PRKN: variants seen among roughly 807,000 people sequenced by gnomAD.
The protein encoded by PRKN is E3 ubiquitin-protein ligase parkin.
Under a neutral mutation model 59.5 loss-of-function variants are expected in PRKN, and 56 were observed. The observed-to-expected ratio is 0.94, with a 90% confidence interval of 0.76 to 1.18. The LOEUF (loss-of-function observed/expected upper bound fraction) is 1.18. Ranked by LOEUF, PRKN falls within the 50% of genes most tolerant of loss-of-function variation. PRKN has a pLI of 0.00. For synonymous variants in PRKN, 250 were observed against 222.1 expected (o/e 1.13, Z -1.12); for missense variants, 657 against 596.4 (o/e 1.10, Z -1.06).
intron 6 of PRKN, among the ~76,000 whole-genome samples, chr6:161,787,766 GA>G (rs1260820848): frequency 1.3e-5 from 2 of 151,826 alleles, no homozygotes; most frequent in African/African-American, 4.8e-5. Flanking sequence ...CTAACACAGC[GA>G]AAGCCCGTCT....
At chr6:161,608,882 ATTTAT>A (rs1782385079) in intron 7 of PRKN, among the ~76,000 whole-genome samples, 1 of 151,964 alleles carries the variant, frequency 6.6e-6, no homozygotes, top group Non-Finnish European at 1.5e-5. Flanking sequence ...TCTTTCACTG[ATTTAT>A]TTTATTATTA....
At chr6:162,097,060 T>C (rs1422610459) in intron 4 of PRKN, among the ~76,000 whole-genome samples, 1 of 151,954 alleles carries the variant, frequency 6.6e-6, no homozygotes, top group Non-Finnish European at 1.5e-5. Context: ...GTGTTTTTAG[T>C]AGAGACAGAG....
chr6:161,828,774 A>G (rs1200580263), intron 6 of PRKN, among the ~76,000 whole-genome samples: 1 of 152,078 alleles, frequency 6.6e-6, no homozygotes, highest in African/African-American at 2.4e-5. Context: ...CAACAATAAC[A>G]AAAACATTAG....
chr6:162,083,524 T>G (rs537301588), intron 4 of PRKN, among the ~76,000 whole-genome samples: 1 of 152,226 alleles, frequency 6.6e-6, no homozygotes, highest in East Asian at 1.9e-4. Flanking sequence ...TTGCACAACA[T>G]CTGTATTATT....
chr6:162,516,614 T>A (rs188702576), intron 1 of PRKN, among the ~76,000 whole-genome samples: 13,584 of 151,822 alleles, frequency 0.089, 647 homozygotes, highest in South Asian at 0.17. Context: ...TAGCTGAGCA[T>A]GGTGGTGCAG....
At chr6:161,882,953 C>A (rs1213404657) in intron 6 of PRKN, among the ~76,000 whole-genome samples, 2 of 150,468 alleles carry the variant, frequency 1.3e-5, no homozygotes, top group Non-Finnish European at 3.0e-5. Flanking sequence ...TGCAGTGAGC[C>A]AAGATCATGC....
intron 1 of PRKN, among the ~76,000 whole-genome samples, chr6:162,572,010 A>G (rs1375826862): frequency 1.3e-5 from 2 of 152,092 alleles, no homozygotes; most frequent in Non-Finnish European, 2.9e-5. Context: ...GACATTCCAG[A>G]TGCAAACCTA....
rs752587530 is a variant in PRKN at position 162,488,027 on chromosome 6, C to CTTTT, written c.8-44558_8-44555dup. On this transcript the variant is annotated intron_variant, in intron 1 of 11. Transcript: ENST00000366898. Reference sequence around the variant, plus strand: ...AACAGACACTACATCCACCATTTCCCTTTTTTTTTTTTTTTTTTTTTTTTT... The same window carrying CTTTT: ...AACAGACACTACATCCACCATTTCCCTTTTTTTTTTTTTTTTTTTTTTTTTTTTT... Among the ~76,000 whole-genome samples, 34 of 109,708 alleles carry CTTTT rather than the reference C, an allele frequency of 3.1e-4. 1 individual carries two copies. Among genetic ancestry groups the CTTTT allele is most frequent in the South Asian group, 9.9e-4 (3 of 3,020 alleles). The allele number at this position is 109,708 out of a possible 152,430, so 72.0% of individuals were successfully genotyped here. A position where few individuals can be genotyped will look rare whatever the true frequency, so the allele number is the denominator to read the frequency against.
intron 9 of PRKN, among the ~76,000 whole-genome samples, chr6:161,426,282 G>A (rs1375227545): frequency 1.3e-5 from 2 of 152,098 alleles, no homozygotes; most frequent in Non-Finnish European, 2.9e-5. Flanking sequence ...CAACTTGATT[G>A]GACTGAAGGA....
At chr6:162,023,692 G>A (rs1783303733) in intron 5 of PRKN, among the ~76,000 whole-genome samples, 1 of 152,050 alleles carries the variant, frequency 6.6e-6, no homozygotes, top group South Asian at 2.1e-4. Context: ...GGGTGTGGCG[G>A]ACCAGGGTGG....
intron 1 of PRKN, among the ~76,000 whole-genome samples, chr6:162,518,502 T>C: frequency 6.6e-6 from 1 of 152,232 alleles, no homozygotes; most frequent in East Asian, 1.9e-4. Flanking sequence ...AGTTAGCTGG[T>C]ATTACGGGCG....
chr6:162,048,664 A>T (rs1366025096), intron 5 of PRKN, among the ~76,000 whole-genome samples: 2 of 151,824 alleles, frequency 1.3e-5, no homozygotes, highest in African/African-American at 2.4e-5. Flanking sequence ...CATAGGAAGA[A>T]GAATAATTGT....
At chr6:161,793,356 G>C (rs951922590) in intron 6 of PRKN, among the ~76,000 whole-genome samples, 3 of 151,952 alleles carry the variant, frequency 2.0e-5, no homozygotes, top group Non-Finnish European at 2.9e-5. Flanking sequence ...TGTTCTCCCT[G>C]TTTTATCCAG....
chr6:161,619,443 A>C (rs1481907710), intron 7 of PRKN, among the ~76,000 whole-genome samples: 2 of 151,708 alleles, frequency 1.3e-5, no homozygotes, highest in Admixed American at 6.6e-5. Flanking sequence ...TTGTTACACT[A>C]TAAACTTTTC....
chr6:162,684,857 C>A (rs1461442218), intron 1 of PRKN, among the ~76,000 whole-genome samples: 2 of 151,966 alleles, frequency 1.3e-5, no homozygotes, highest in Non-Finnish European at 1.5e-5. Context: ...GTAAAATATA[C>A]AAATAAGGGA....
chr6:162,613,146 T>C (rs1158715278), intron 1 of PRKN, among the ~76,000 whole-genome samples: 1 of 152,178 alleles, frequency 6.6e-6, no homozygotes, highest in East Asian at 1.9e-4. Context: ...GGTCTCTCAG[T>C]TTGTAGCATT....
At chr6:162,368,165 G>A (rs7768039) in intron 2 of PRKN, among the ~76,000 whole-genome samples, 42,347 of 152,110 alleles carry the variant, frequency 0.28, 6,034 homozygotes, top group East Asian at 0.29. Context: ...CACAAAGGGC[G>A]TGGCTGGGGA....
At chr6:162,165,828 C>T (rs1782952932) in intron 4 of PRKN, among the ~76,000 whole-genome samples, 1 of 151,636 alleles carries the variant, frequency 6.6e-6, no homozygotes, top group Non-Finnish European at 1.5e-5. Flanking sequence ...GCAGGCGGAT[C>T]CCCTTAGGTC....
chr6:162,197,614 A>G (rs1448455066), intron 4 of PRKN, among the ~76,000 whole-genome samples: 2 of 152,194 alleles, frequency 1.3e-5, no homozygotes, highest in Non-Finnish European at 2.9e-5. Context: ...CCTGGCTTCG[A>G]TATTTATGAA....
Sources: allele counts gnomAD v4.1 joint callset (sites outside exome capture counted in the v4.1 genomes callset), GRCh38; gene constraint gnomAD v4.1.1; transcripts MANE v1.5; gene names NCBI Gene and HGNC (gene_info 2026-07-23, HGNC 2026-07-21).